Variants in C12orf50 observed in about 807,000 individuals in gnomAD.
C12orf50 encodes zinc finger CCCH-type containing 11D.
A neutral mutation model predicts 61.6 loss-of-function variants in C12orf50; 35 were observed. The ratio of observed to expected loss-of-function variants is 0.57; its 90% confidence interval spans 0.43 to 0.75. The LOEUF (loss-of-function observed/expected upper bound fraction) is 0.75, where lower values mean the gene tolerates loss of function less well. Ranked by LOEUF, C12orf50 falls within the 30% of genes least tolerant of loss-of-function variation. The probability of loss-of-function intolerance (pLI) is 0.00; values close to 1 mark genes in which losing one functional copy is unlikely to be tolerated. For synonymous variants in C12orf50, 178 were observed against 161.5 expected (o/e 1.10, Z -0.77); for missense variants, 475 against 488.5 (o/e 0.97, Z 0.26).
chr12:87,986,176 T>A, intron 10 of C12orf50, 123 bp from the exon 11 acceptor site: 2 of 1,282,562 alleles, frequency 1.6e-6, no homozygotes, highest in East Asian at 4.9e-5. Flanking sequence ...AATAATTAAG[T>A]TTAGAGAAGT....
intron 7 of C12orf50, among the ~76,000 whole-genome samples, chr12:87,993,124 G>C (rs141985631): frequency 3.2e-4 from 49 of 152,028 alleles, no homozygotes; most frequent in African/African-American, 8.9e-4. Context: ...TTTTCAACTA[G>C]TTCATTACTC....
chr12:87,992,468 T>C (rs949155267), intron 7 of C12orf50, among the ~76,000 whole-genome samples: 7 of 152,152 alleles, frequency 4.6e-5, no homozygotes, highest in Non-Finnish European at 8.8e-5. Flanking sequence ...TATGTACACA[T>C]ATACAGTATA....
At chr12:88,017,661 T>C (rs913985021) in intron 3 of C12orf50, among the ~76,000 whole-genome samples, 2 of 152,154 alleles carry the variant, frequency 1.3e-5, no homozygotes, top group African/African-American at 4.8e-5. Context: ...ACCTCCTAGA[T>C]ACTTGTTGAA....
At chr12:87,982,218 C>T (rs990274736) in intron 12 of C12orf50, among the ~76,000 whole-genome samples, 1 of 152,052 alleles carries the variant, frequency 6.6e-6, no homozygotes, top group Admixed American at 6.6e-5. Flanking sequence ...TTTCCCCACC[C>T]CCCAAATTCA....
intron 6 of C12orf50, among the ~76,000 whole-genome samples, chr12:87,995,456 A>G (rs1192450541): frequency 6.6e-6 from 1 of 152,214 alleles, no homozygotes; most frequent in Non-Finnish European, 1.5e-5. Context: ...ACAATTCAGA[A>G]GATTATAATA....
chr12:88,020,516 C>T (rs551407950), intron 3 of C12orf50, among the ~76,000 whole-genome samples: 5 of 152,262 alleles, frequency 3.3e-5, no homozygotes, highest in South Asian at 2.1e-4. Context: ...ACATCCAACA[C>T]AGGAGCACCC....
chr12:88,013,007 T>G (rs906661768), intron 3 of C12orf50, among the ~76,000 whole-genome samples: 2 of 152,034 alleles, frequency 1.3e-5, no homozygotes, highest in Non-Finnish European at 2.9e-5. Context: ...AAGGAAGCAG[T>G]GAGCTGTGTT....
intron 3 of C12orf50, among the ~76,000 whole-genome samples, chr12:88,023,919 T>G (rs1333573931): frequency 6.6e-6 from 1 of 151,998 alleles, no homozygotes; most frequent in Non-Finnish European, 1.5e-5. Flanking sequence ...TATCCAGAAT[T>G]TATAAGGGAC....
chr12:88,029,051 A>G (rs1297549863), intron 1 of C12orf50: 3 of 1,249,794 alleles, frequency 2.4e-6, no homozygotes, highest in Non-Finnish European at 3.1e-6. Flanking sequence ...AGTACTGTCA[A>G]TTGTACAATA....
intron 1 of C12orf50, 121 bp downstream of exon 1, chr12:88,029,219 G>A (rs1814866698): frequency 1.5e-6 from 1 of 672,350 alleles, no homozygotes; most frequent in Non-Finnish European, 2.1e-6. Flanking sequence ...GTGTAAGGGG[G>A]AAAAATAATT....
intron 1 of C12orf50, 73 bp from the exon 2 acceptor site, chr12:88,027,143 T>A: frequency 7.0e-7 from 1 of 1,419,332 alleles, no homozygotes. Flanking sequence ...AGGTTGCTAA[T>A]TAGTTAAACG....
chr12:88,003,604 G>A (rs944238027), intron 3 of C12orf50, among the ~76,000 whole-genome samples: 1 of 151,940 alleles, frequency 6.6e-6, no homozygotes, highest in African/African-American at 2.4e-5. Context: ...ATTCTCGATT[G>A]CCACAATTTT....
intron 1 of C12orf50, among the ~76,000 whole-genome samples, chr12:88,028,342 T>C (rs1000096815): frequency 6.6e-6 from 1 of 152,170 alleles, no homozygotes; most frequent in Non-Finnish European, 1.5e-5. Context: ...TCAGGTTTCC[T>C]AACAGAGAGG....
At chr12:87,989,630 T>C (rs1282850445) in intron 7 of C12orf50, among the ~76,000 whole-genome samples, 1 of 152,072 alleles carries the variant, frequency 6.6e-6, no homozygotes, top group Non-Finnish European at 1.5e-5. Context: ...TTTTCCTTAA[T>C]GTATAATAAT....
chr12:88,007,952 T>C (rs1320241785), intron 3 of C12orf50, among the ~76,000 whole-genome samples: 1 of 152,008 alleles, frequency 6.6e-6, no homozygotes, highest in Non-Finnish European at 1.5e-5. Context: ...AAAATTTAAA[T>C]TTATATATAT....
In C12orf50 at chr12:87,985,996, C is replaced by T. The variant is rs78562422; in HGVS notation, c.980G>A (p.Arg327Gln). 1.4e-3 allele frequency: 2,285 copies of T among 1,613,784 alleles called. 23 individuals carry two copies. The African/African-American group carries it at 0.023, about 16-fold the overall frequency. Residue 327 changes from arginine (R) to glutamine (Q), a missense_variant, in exon 11 of 13, where the codon CGA (arginine) becomes CAA (glutamine). By Grantham distance (43) the Arg-to-Gln change is conservative. Coordinates refer to ENST00000298699, the MANE Select transcript of C12orf50 (RefSeq NM_152589.3). ...GATATAGGATGCATTCTCCGCATTTCGATTTTTATTATTGCGGTGATAACT... is the reference window on the plus strand; with the variant it reads ...GATATAGGATGCATTCTCCGCATTTTGATTTTTATTATTGCGGTGATAACT... ...KMSYHRNNKN[R>Q]NAENASYIHV...
At chr12:87,987,650 G>A (rs2030891883) in intron 9 of C12orf50, among the ~76,000 whole-genome samples, 200 bp downstream of exon 9, 1 of 152,164 alleles carries the variant, frequency 6.6e-6, no homozygotes, top group Non-Finnish European at 1.5e-5. Flanking sequence ...TAGTGGGAGA[G>A]CATATAATTT....
At chr12:87,980,410 T>C (rs1303822718) in intron 12 of C12orf50, 54 bp from the exon 13 acceptor site, 22 of 1,437,292 alleles carry the variant, frequency 1.5e-5, no homozygotes, top group Middle Eastern at 3.5e-4. Context: ...AGCGCACTGA[T>C]ATTTTGTTCT....
At chr12:88,022,029 A>T (rs1026119626) in intron 3 of C12orf50, among the ~76,000 whole-genome samples, 1 of 152,042 alleles carries the variant, frequency 6.6e-6, no homozygotes, top group African/African-American at 2.4e-5. Flanking sequence ...ATGTGGCAGA[A>T]AGAAAACCAA....
Sources: allele counts gnomAD v4.1 joint callset (sites outside exome capture counted in the v4.1 genomes callset), GRCh38; gene constraint gnomAD v4.1.1; transcripts MANE v1.5; gene names NCBI Gene and HGNC (gene_info 2026-07-23, HGNC 2026-07-21).